Variants in IQCJ observed in about 807,000 individuals in gnomAD.
IQCJ encodes the protein IQ motif containing J.
A neutral mutation model predicts 11.0 loss-of-function variants in IQCJ; 9 were observed. The ratio of observed to expected loss-of-function variants is 0.82; its 90% CI spans 0.49 to 1.43. The LOEUF is 1.43. IQCJ is among the 40% of genes most tolerant of loss of function. The pLI is 0.00. For missense variants in IQCJ, 146 were observed against 133.2 expected, an observed-to-expected ratio of 1.10 and a Z score of -0.47; for synonymous variants, 55 against 51.3, an observed-to-expected ratio of 1.07 and a Z score of -0.31.
chr3:159,245,909 T>G lies in IQCJ; in HGVS notation c.74+2T>G. On this transcript the variant is annotated splice_donor_variant, in intron 2 of 3. Coordinates refer to ENST00000397832, the MANE Select transcript of IQCJ (RefSeq NM_001042706.3). LOFTEE classifies it high-confidence loss of function. ...TGATGGAAAATATTCATTTGAAAAG[T>G]AAGTAAAAAGTATTAAGTTAAATCA... The G allele has an allele frequency of 6.5e-7, 1 of 1,531,378 alleles. No individual in the cohort carries two copies. The highest frequency in any genetic ancestry group is 1.4e-5 in the African/African-American group (1 of 72,706). The allele number at this position is 1,531,378 out of a possible 1,614,324, so 94.9% of individuals were successfully genotyped here. A position where few individuals can be genotyped will look rare whatever the true frequency, so the allele number is the denominator to read the frequency against.
chr3:159,225,025 G>A (rs181377849), intron 1 of IQCJ, among the ~76,000 whole-genome samples: 28 of 152,104 alleles, frequency 1.8e-4, no homozygotes, highest in Middle Eastern at 3.4e-3. Flanking sequence ...AAAATTTGGC[G>A]TTATCTCATA....
At chr3:159,083,194 A>G (rs909733881) in intron 1 of IQCJ, among the ~76,000 whole-genome samples, 5 of 152,182 alleles carry the variant, frequency 3.3e-5, no homozygotes, top group African/African-American at 9.6e-5. Context: ...CTGGGGGACA[A>G]TATTTGCAAA....
chr3:159,237,827 C>T (rs1329164107), intron 1 of IQCJ, among the ~76,000 whole-genome samples: 1 of 152,148 alleles, frequency 6.6e-6, no homozygotes, highest in East Asian at 1.9e-4. Context: ...CACACATGTT[C>T]TTCTGGTAAA....
At chr3:159,190,286 C>T (rs1723607550) in intron 1 of IQCJ, among the ~76,000 whole-genome samples, 1 of 152,172 alleles carries the variant, frequency 6.6e-6, no homozygotes, top group African/African-American at 2.4e-5. Flanking sequence ...GAAAAACAGC[C>T]ATCTGTCTCA....
chr3:159,109,545 AAC>A (rs1553776677), intron 1 of IQCJ, among the ~76,000 whole-genome samples: 1,775 of 151,406 alleles, frequency 0.012, 27 homozygotes, highest in African/African-American at 0.041. Flanking sequence ...AAAAAAAAAA[AAC>A]CAGTTGTCAT....
intron 1 of IQCJ, 33 bp downstream of exon 1, chr3:159,069,474 T>C: frequency 1.9e-6 from 3 of 1,603,052 alleles, no homozygotes; most frequent in Non-Finnish European, 2.6e-6. Context: ...CGTGCCACTT[T>C]GATGTGCATT....
At chr3:159,203,154 G>T (rs1173270590) in intron 1 of IQCJ, among the ~76,000 whole-genome samples, 1 of 149,868 alleles carries the variant, frequency 6.7e-6, no homozygotes, top group East Asian at 2.0e-4. Context: ...CTTCATTCAA[G>T]ATGTAAGCTC....
chr3:159,226,211 C>T (rs187688926), intron 1 of IQCJ, among the ~76,000 whole-genome samples: 12 of 152,276 alleles, frequency 7.9e-5, no homozygotes, highest in East Asian at 7.7e-4. Context: ...GTCCCTCTCC[C>T]GTCTCCAGAG....
intron 1 of IQCJ, among the ~76,000 whole-genome samples, chr3:159,119,514 T>G (rs1164767554): frequency 6.6e-6 from 1 of 152,190 alleles, no homozygotes; most frequent in East Asian, 1.9e-4. Flanking sequence ...TTCTTGCTTT[T>G]TCATAGAACA....
chr3:159,256,026 A>T (rs1020905834), intron 3 of IQCJ, among the ~76,000 whole-genome samples: 1 of 152,212 alleles, frequency 6.6e-6, no homozygotes, highest in African/African-American at 2.4e-5. Flanking sequence ...CAGCACAGGC[A>T]GAGGTGGGCT....
At chr3:159,197,364 C>A (rs1006791937) in intron 1 of IQCJ, among the ~76,000 whole-genome samples, 5 of 152,168 alleles carry the variant, frequency 3.3e-5, no homozygotes, top group African/African-American at 1.2e-4. Context: ...TAATTCAAAC[C>A]TCCATTCCCT....
At position 159,208,770 on chromosome 3, in the gene IQCJ, C is replaced by A. The variant is rs566004877; in HGVS notation, c.10-37073C>A. 9.8e-5 allele frequency among the ~76,000 whole-genome samples: 15 copies of A among 152,286 alleles called. No homozygotes were observed. The South Asian group carries it at 2.9e-3, about 30-fold the overall frequency. ...AATTTATTTGGAAAAAGAATCTTTG[C>A]AGACATAATTGAGGATCTCAAGATC... On this transcript the variant is annotated intron_variant, in intron 1 of 3. Transcript: ENST00000397832.
intron 1 of IQCJ, among the ~76,000 whole-genome samples, chr3:159,204,980 A>T (rs1022592789): frequency 2.6e-5 from 4 of 152,198 alleles, no homozygotes; most frequent in Admixed American, 6.5e-5. Context: ...GGTCTTCCTT[A>T]TCTTCCACTC....
At chr3:159,177,535 A>G (rs1302887171) in intron 1 of IQCJ, among the ~76,000 whole-genome samples, 6 of 152,174 alleles carry the variant, frequency 3.9e-5, no homozygotes, top group African/African-American at 1.2e-4. Flanking sequence ...CCACTCAGGT[A>G]TTTCCTGAGG....
chr3:159,190,992 T>C (rs902956285), intron 1 of IQCJ, among the ~76,000 whole-genome samples: 2 of 152,214 alleles, frequency 1.3e-5, no homozygotes, highest in African/African-American at 2.4e-5. Flanking sequence ...TTCAGTCTTA[T>C]GCGGATGTTC....
intron 1 of IQCJ, among the ~76,000 whole-genome samples, chr3:159,085,610 C>A (rs967898474): frequency 6.8e-6 from 1 of 147,242 alleles, no homozygotes; most frequent in Non-Finnish European, 1.5e-5. Context: ...GATTGCCATT[C>A]TAACTGGTGT....
chr3:159,175,665 T>C (rs981413536), intron 1 of IQCJ, among the ~76,000 whole-genome samples: 13 of 152,180 alleles, frequency 8.5e-5, no homozygotes, highest in African/African-American at 3.1e-4. Flanking sequence ...GTTTCGTATA[T>C]CAATAGTTTG....
At chr3:159,144,098 C>T (rs1720783707) in intron 1 of IQCJ, among the ~76,000 whole-genome samples, 1 of 152,202 alleles carries the variant, frequency 6.6e-6, no homozygotes, top group Non-Finnish European at 1.5e-5. Flanking sequence ...TTTGTTAATT[C>T]TGTTGAACTT....
chr3:159,069,874 T>TGTGTGC (rs1559972116), intron 1 of IQCJ: 2 of 370,382 alleles, frequency 5.4e-6, no homozygotes, highest in African/African-American at 4.3e-5. Flanking sequence ...TGTGTGTGTG[T>TGTGTGC]GTGTGTGTGT....
Sources: allele counts gnomAD v4.1 joint callset (sites outside exome capture counted in the v4.1 genomes callset), GRCh38; gene constraint gnomAD v4.1.1; transcripts MANE v1.5; gene names NCBI Gene and HGNC (gene_info 2026-07-23, HGNC 2026-07-21).